Variants in CDC14B observed in about 807,000 individuals in gnomAD.
CDC14B encodes the protein dual specificity protein phosphatase CDC14B.
In CDC14B, 22 loss-of-function variants were observed where a neutral mutation model predicts 64.2. That is an observed-to-expected ratio of 0.34 (90% confidence interval 0.24 to 0.49). CDC14B has a LOEUF of 0.49. Among genes scored for constraint, CDC14B ranks in the 20% least tolerant of loss-of-function variants. The probability of loss-of-function intolerance (pLI) is 0.99; values close to 1 mark genes in which losing one functional copy is unlikely to be tolerated. For missense variants in CDC14B, 498 were observed against 629.9 expected (o/e 0.79, Z 2.24); for synonymous variants, 191 against 215.8 (o/e 0.89, Z 1.01).
chr9:96,545,412 G>A (rs1413233419), intron 5 of CDC14B, among the ~76,000 whole-genome samples: 1 of 151,108 alleles, frequency 6.6e-6, no homozygotes, highest in African/African-American at 2.4e-5. Flanking sequence ...CCACCTCCTG[G>A]GTTCACAACA....
rs1256884805 is a variant in CDC14B at position 96,509,785 on chromosome 9, T to A, written c.1348A>T (p.Ile450Phe). ...SKTNAIPLTV[I>F]LQSSVQSCKT... Reference sequence around the variant, plus strand: ...CAGCTCTGAACACTGGATTGAAGAATTACTCTGAAAATAGTTGGAAAAAAA... The same window carrying A: ...CAGCTCTGAACACTGGATTGAAGAAATACTCTGAAAATAGTTGGAAAAAAA... The change falls in exon 13 of 14, where the codon ATT becomes TTT. Residue 450 changes from isoleucine (I) to phenylalanine (F), a missense_variant. Coordinates refer to ENST00000375241, the MANE Select transcript of CDC14B (RefSeq NM_033331.4). 1 of 1,580,034 alleles carries A rather than the reference T, an allele frequency of 6.3e-7. No individual in the cohort carries two copies. Among genetic ancestry groups the A allele is most frequent in the Non-Finnish European group, 8.7e-7 (1 of 1,151,384 alleles).
At chr9:96,559,764 C>T (rs1337021028) in intron 4 of CDC14B, among the ~76,000 whole-genome samples, 1 of 152,114 alleles carries the variant, frequency 6.6e-6, no homozygotes, top group East Asian at 1.9e-4. Context: ...GTAATAAATG[C>T]GAGTGAAGAT....
At chr9:96,498,302 T>C (rs1833336553), downstream of CDC14B, among the ~76,000 whole-genome samples, 1 of 152,206 alleles carries the variant, frequency 6.6e-6, no homozygotes, top group Non-Finnish European at 1.5e-5. Context: ...ACTAGTCCAA[T>C]TGTACCACTG....
chr9:96,532,906 G>A (rs1273175105), intron 9 of CDC14B, among the ~76,000 whole-genome samples: 3 of 151,988 alleles, frequency 2.0e-5, no homozygotes, highest in African/African-American at 7.2e-5. Context: ...TCTTTAAGAT[G>A]GTTATTTAAA....
At chr9:96,497,617 C>T (rs1276827124), downstream of CDC14B, among the ~76,000 whole-genome samples, 1 of 152,204 alleles carries the variant, frequency 6.6e-6, no homozygotes, top group Non-Finnish European at 1.5e-5. Context: ...CAGCTGCTAA[C>T]GGGAGAGGAG....
intron 9 of CDC14B, among the ~76,000 whole-genome samples, chr9:96,526,556 T>C (rs1214071766): frequency 2.0e-5 from 3 of 152,180 alleles, no homozygotes; most frequent in African/African-American, 4.8e-5. Flanking sequence ...AGCCACCCAG[T>C]TGGTGATATG....
chr9:96,522,749 G>C, intron 11 of CDC14B, 146 bp from the exon 12 acceptor site: 1 of 615,014 alleles, frequency 1.6e-6, no homozygotes, highest in Admixed American at 2.7e-5. Context: ...AGCTTCAGGT[G>C]ACATTTTAAG....
chr9:96,552,476 T>A (rs1841958033), intron 4 of CDC14B, among the ~76,000 whole-genome samples: 1 of 152,204 alleles, frequency 6.6e-6, no homozygotes, highest in South Asian at 2.1e-4. Flanking sequence ...ATAGTTGGTA[T>A]TCCTTGCCTT....
At chr9:96,579,918 A>T (rs1401925951) in intron 1 of CDC14B, among the ~76,000 whole-genome samples, 1 of 152,126 alleles carries the variant, frequency 6.6e-6, no homozygotes, top group Non-Finnish European at 1.5e-5. Flanking sequence ...TGTAACTCTA[A>T]AAGTTTTTTT....
intron 1 of CDC14B, among the ~76,000 whole-genome samples, chr9:96,595,137 G>A (rs771481634): frequency 5.9e-5 from 9 of 152,122 alleles, no homozygotes; most frequent in South Asian, 2.1e-4. Flanking sequence ...GAGGGAGAGC[G>A]AGATTCCGTC....
intron 4 of CDC14B, among the ~76,000 whole-genome samples, chr9:96,561,366 A>G (rs751619580): frequency 2.6e-5 from 4 of 152,252 alleles, no homozygotes; most frequent in Non-Finnish European, 5.9e-5. Context: ...TGTAAATTCC[A>G]GATTATCAAA....
At chr9:96,506,154 G>T (rs1168027881) in intron 13 of CDC14B, among the ~76,000 whole-genome samples, 1 of 152,144 alleles carries the variant, frequency 6.6e-6, no homozygotes. Context: ...CTACGTTGCA[G>T]GTAGGGATGA....
At chr9:96,491,880 T>C (rs979352578) in exon 14 of CDC14B, 1 of 152,326 alleles carries the variant, frequency 6.6e-6, no homozygotes, top group African/African-American at 2.4e-5. Flanking sequence ...TAGCTCTCGC[T>C]GACTTGGTCG....
At chr9:96,493,231 T>C (rs1587694676) in exon 14 of CDC14B, 1 of 152,428 alleles carries the variant, frequency 6.6e-6, no homozygotes, top group East Asian at 1.9e-4. Flanking sequence ...GCCTGCCTGC[T>C]CTCTCCACAT....
chr9:96,543,332 C>T (rs9969781), intron 5 of CDC14B, among the ~76,000 whole-genome samples: 9,454 of 150,026 alleles, frequency 0.063, 932 homozygotes, highest in African/African-American at 0.22. Flanking sequence ...AGACTCGAGA[C>T]TCGTCTCAAA....
At chr9:96,551,306 G>A (rs1395456763) in intron 5 of CDC14B, among the ~76,000 whole-genome samples, 2 of 151,700 alleles carry the variant, frequency 1.3e-5, no homozygotes, top group Non-Finnish European at 1.5e-5. Flanking sequence ...TTTTTTTATA[G>A]AGATGGGGTC....
intron 1 of CDC14B, among the ~76,000 whole-genome samples, chr9:96,606,555 G>GTGTGTGTGTGTC (rs1261672688): frequency 6.7e-6 from 1 of 149,122 alleles, no homozygotes; most frequent in African/African-American, 2.5e-5. Flanking sequence ...GTGTGTGTGT[G>GTGTGTGTGTGTC]TGTGTGTGTG....
rs1383842788 is a variant in CDC14B at position 96,502,434 on chromosome 9, C to T, written c.*1319G>A. On this transcript the variant is annotated 3_prime_UTR_variant, in exon 14 of 14. Transcript: ENST00000375241. ...TGGAGTTGCCTACTAATCTGGCGCA[C>T]GCCTTGTGGCTTAGGAGGGCATTTG... 6 of 160,290 alleles carry T rather than the reference C, an allele frequency of 3.7e-5. No homozygotes were observed. Among genetic ancestry groups the T allele is most frequent in the Non-Finnish European group, 8.1e-5 (6 of 73,670 alleles). 9.9% of individuals were successfully genotyped at this position (160,290 alleles called of 1,614,324 possible).
intron 6 of CDC14B, among the ~76,000 whole-genome samples, chr9:96,541,299 A>G (rs539883413): frequency 6.6e-6 from 1 of 152,382 alleles, no homozygotes; most frequent in Non-Finnish European, 1.5e-5. Context: ...AAATAGTTTG[A>G]CAAAGCAGCA....
Sources: allele counts gnomAD v4.1 joint callset (sites outside exome capture counted in the v4.1 genomes callset), GRCh38; gene constraint gnomAD v4.1.1; transcripts MANE v1.5; gene names NCBI Gene and HGNC (gene_info 2026-07-23, HGNC 2026-07-21).